The following CNTNAP2 variants were observed in gnomAD, a reference collection of about 807,000 sequenced individuals.
The protein encoded by CNTNAP2 is contactin associated protein 2.
CNTNAP2 carries 98 observed loss-of-function variants against 155.2 expected under a neutral mutation model. That is an observed-to-expected ratio of 0.63 (90% confidence interval 0.54 to 0.75). CNTNAP2 has a LOEUF of 0.75. Ranked by LOEUF, CNTNAP2 falls within the 30% of genes least tolerant of loss-of-function variation. The pLI, the probability that CNTNAP2 is intolerant of heterozygous loss-of-function variation, is 0.00. For missense variants in CNTNAP2, 1,727 were observed against 1,688.1 expected (o/e 1.02, Z -0.40); for synonymous variants, 651 against 631.2 (o/e 1.03, Z -0.47).
chr7:146,331,758 A>G (rs1288262045), intron 1 of CNTNAP2, among the ~76,000 whole-genome samples: 1 of 152,202 alleles, frequency 6.6e-6, no homozygotes, highest in Non-Finnish European at 1.5e-5. Context: ...ATTGGACTCT[A>G]CTTGTCAATG....
intron 1 of CNTNAP2, among the ~76,000 whole-genome samples, chr7:146,518,268 A>G (rs1437695402): frequency 1.3e-5 from 2 of 151,856 alleles, no homozygotes; most frequent in Non-Finnish European, 2.9e-5. Flanking sequence ...AAAATATAAG[A>G]ATACCTGTAG....
chr7:147,882,597 G>A (rs537985638), intron 13 of CNTNAP2, among the ~76,000 whole-genome samples: 24 of 152,262 alleles, frequency 1.6e-4, no homozygotes, highest in Admixed American at 1.5e-3. Flanking sequence ...CCAGAGTGGA[G>A]GTAGGAAGGC....
At chr7:146,373,200 T>C (rs1342116248) in intron 1 of CNTNAP2, among the ~76,000 whole-genome samples, 2 of 152,136 alleles carry the variant, frequency 1.3e-5, no homozygotes. Flanking sequence ...CACAAACATC[T>C]AAGTAACTAA....
intron 3 of CNTNAP2, among the ~76,000 whole-genome samples, chr7:146,956,742 A>G (rs988995103): frequency 6.6e-6 from 1 of 152,138 alleles, no homozygotes; most frequent in African/African-American, 2.4e-5. Flanking sequence ...AAGCGACTAA[A>G]TGGCTGACAT....
intron 1 of CNTNAP2, among the ~76,000 whole-genome samples, chr7:146,287,945 TA>T (rs900507007): frequency 1.3e-5 from 2 of 152,276 alleles, no homozygotes; most frequent in Admixed American, 1.3e-4. Context: ...TCCAAAAATT[TA>T]AATTTGTATT....
chr7:148,237,608 G>T (rs1796065151), intron 20 of CNTNAP2, among the ~76,000 whole-genome samples: 1 of 152,214 alleles, frequency 6.6e-6, no homozygotes, highest in African/African-American at 2.4e-5. Flanking sequence ...CTTACCTGGA[G>T]AAATTCTCAC....
chr7:146,937,178 G>A (rs993660565), intron 3 of CNTNAP2, among the ~76,000 whole-genome samples: 1 of 151,734 alleles, frequency 6.6e-6, no homozygotes, highest in Non-Finnish European at 1.5e-5. Context: ...ACGAGGTCAG[G>A]AGATTAAGAC....
chr7:147,128,966 A>G (rs1245705456), intron 7 of CNTNAP2, 130 bp downstream of exon 7: 5 of 1,220,026 alleles, frequency 4.1e-6, no homozygotes, highest in East Asian at 2.4e-5. Flanking sequence ...ATGATGTAAA[A>G]CAAACATTAG....
chr7:147,271,927 T>C (rs917528414), intron 8 of CNTNAP2, among the ~76,000 whole-genome samples: 18 of 152,162 alleles, frequency 1.2e-4, no homozygotes, highest in African/African-American at 4.3e-4. Flanking sequence ...AGTTTCACTC[T>C]TGTTGCCCAG....
chr7:148,080,381 G>C (rs571461798), intron 15 of CNTNAP2, among the ~76,000 whole-genome samples: 2 of 152,082 alleles, frequency 1.3e-5, no homozygotes, highest in East Asian at 3.9e-4. Flanking sequence ...TGAGGCAGGC[G>C]GATCACGAGG....
At chr7:147,674,963 A>T (rs1219231858) in intron 13 of CNTNAP2, among the ~76,000 whole-genome samples, 1 of 150,946 alleles carries the variant, frequency 6.6e-6, no homozygotes, top group Non-Finnish European at 1.5e-5. Flanking sequence ...TCATTCATGG[A>T]TGTGTTAGTT....
At chr7:147,914,427 C>G (rs936646524) in intron 14 of CNTNAP2, among the ~76,000 whole-genome samples, 1 of 151,624 alleles carries the variant, frequency 6.6e-6, no homozygotes, top group Non-Finnish European at 1.5e-5. Flanking sequence ...GTAATCCCAG[C>G]CACTCGGGAG....
intron 1 of CNTNAP2, among the ~76,000 whole-genome samples, chr7:146,162,889 C>T (rs928230272): frequency 6.6e-6 from 1 of 152,178 alleles, no homozygotes; most frequent in South Asian, 2.1e-4. Flanking sequence ...CCATCGTTCT[C>T]AGCAAACTAT....
chr7:146,341,386 G>T (rs1794724226), intron 1 of CNTNAP2, among the ~76,000 whole-genome samples: 1 of 152,118 alleles, frequency 6.6e-6, no homozygotes, highest in African/African-American at 2.4e-5. Flanking sequence ...AAAGGATTCA[G>T]TAAGGATTGT....
In CNTNAP2 at chr7:146,605,099, GA is replaced by G. The variant is rs1250289159; in HGVS notation, c.98-169163del. Among the ~76,000 whole-genome samples the G allele has an allele frequency of 8.1e-4, 112 of 138,628 alleles. 1 individual carries two copies. Among genetic ancestry groups the G allele is most frequent in the Non-Finnish European group, 1.2e-3 (79 of 63,818 alleles). 90.9% of individuals were successfully genotyped at this position (138,628 alleles called of 152,430 possible). A position where few individuals can be genotyped will look rare whatever the true frequency, so the allele number is the denominator to read the frequency against. ...TAAAAAAAAACAACAAAAAAAAAAAGAAAAAAAAATACTGCAATATCTTCCC... is the reference window on the plus strand; with the variant it reads ...TAAAAAAAAACAACAAAAAAAAAAAGAAAAAAAATACTGCAATATCTTCCC... On this transcript the variant is annotated intron_variant, in intron 1 of 23. Coordinates refer to ENST00000361727, the MANE Select transcript of CNTNAP2 (RefSeq NM_014141.6).
chr7:147,619,798 C>G (rs894241216), intron 12 of CNTNAP2, among the ~76,000 whole-genome samples: 4 of 152,278 alleles, frequency 2.6e-5, no homozygotes, highest in African/African-American at 9.6e-5. Flanking sequence ...GCTGTGCTAC[C>G]TGATGATTGT....
rs555249319 is a variant in CNTNAP2, at chr7:146,389,533, T to C, written c.97+272560T>C. On this transcript the variant is annotated intron_variant, in intron 1 of 23. Transcript: ENST00000361727. Reference sequence around the variant, plus strand: ...AATTCATATCAACTTTTATTTTTAATTTTAAATTGTATAGCTTTTATTTTA... The same window carrying C: ...AATTCATATCAACTTTTATTTTTAACTTTAAATTGTATAGCTTTTATTTTA... Among the ~76,000 whole-genome samples the C allele has an allele frequency of 4.3e-4, 66 of 152,054 alleles. 1 individual carries two copies. In the East Asian group the frequency reaches 5.8e-3, roughly 13 times the overall value.
chr7:148,366,209 C>T (rs6972514), intron 21 of CNTNAP2, among the ~76,000 whole-genome samples: 1,550 of 1,574 alleles, frequency 0.98, 768 homozygotes, highest in Non-Finnish European at 1. Flanking sequence ...TATAGGTGTA[C>T]ATGTGTATGC....
intron 1 of CNTNAP2, among the ~76,000 whole-genome samples, chr7:146,290,648 T>C (rs1478741284): frequency 1.3e-5 from 2 of 152,212 alleles, no homozygotes; most frequent in Non-Finnish European, 2.9e-5. Context: ...TCAGTTCTAC[T>C]GTAAAGAGCG....
Sources: gnomAD v4.1 joint callset for allele counts (sites outside exome capture counted in the v4.1 genomes callset) on GRCh38, gnomAD v4.1.1 for gene constraint, MANE v1.5 for transcripts, NCBI Gene and HGNC (gene_info 2026-07-23, HGNC 2026-07-21) for gene names.